Variants in MTA3 observed in about 807,000 individuals in gnomAD.
The protein encoded by MTA3 is metastasis associated 1 family member 3, also known as metastasis-associated protein MTA3.
MTA3 carries 34 observed loss-of-function variants against 83.5 expected under a neutral mutation model. The observed-to-expected ratio is 0.41, with a 90% CI of 0.31 to 0.54. MTA3 has a LOEUF of 0.54. Among genes scored for constraint, MTA3 ranks in the 20% least tolerant of loss-of-function variants. The probability of loss-of-function intolerance (pLI) is 0.33; values close to 1 mark genes in which losing one functional copy is unlikely to be tolerated. For synonymous variants in MTA3, 303 were observed against 252.7 expected, an observed-to-expected ratio of 1.20 and a Z score of -1.89; for missense variants, 761 against 726.4, an observed-to-expected ratio of 1.05 and a Z score of -0.55.
At chr2:42,551,656 G>T (rs75056079) in intron 2 of MTA3, among the ~76,000 whole-genome samples, 2,984 of 152,196 alleles carry the variant, frequency 0.02, 86 homozygotes, top group African/African-American at 0.068. Context: ...AATAAAGCGG[G>T]AGAGAGTGAC....
intron 2 of MTA3, among the ~76,000 whole-genome samples, chr2:42,530,896 C>A (rs1034766185): frequency 1.2e-4 from 19 of 152,280 alleles, no homozygotes; most frequent in African/African-American, 4.3e-4. Context: ...ATGGCGCAAT[C>A]TCAGCTCACT....
intron 6 of MTA3, among the ~76,000 whole-genome samples, chr2:42,648,401 C>A (rs1418572391): frequency 6.6e-6 from 1 of 152,174 alleles, no homozygotes; most frequent in Non-Finnish European, 1.5e-5. Context: ...TGGCCAGATT[C>A]TAATTTGCAT....
upstream of MTA3, chr2:42,568,160 A>G (rs1429597082): frequency 6.6e-6 from 1 of 152,314 alleles, no homozygotes; most frequent in Non-Finnish European, 1.5e-5. Flanking sequence ...ATTTGCATCC[A>G]AGAGTTTGCA....
chr2:42,531,517 A>G (rs559020557), intron 2 of MTA3, among the ~76,000 whole-genome samples: 1 of 134,758 alleles, frequency 7.4e-6, no homozygotes, highest in Non-Finnish European at 1.5e-5. Flanking sequence ...CAGTGGCCCA[A>G]TCTTGGCTCA....
intron 5 of MTA3, among the ~76,000 whole-genome samples, chr2:42,641,599 G>A (rs1687696167): frequency 6.6e-6 from 1 of 152,048 alleles, no homozygotes; most frequent in African/African-American, 2.4e-5. Context: ...TGTGATCCCA[G>A]CGCTTTGGGA....
chr2:42,611,853 A>G (rs1453979739), intron 4 of MTA3, among the ~76,000 whole-genome samples: 1 of 152,098 alleles, frequency 6.6e-6, no homozygotes, highest in Non-Finnish European at 1.5e-5. Flanking sequence ...AAATAGATAG[A>G]TAGAGAGATA....
rs965549389 is a variant in MTA3, at chr2:42,756,427, C to T, written c.*3028C>T. The T allele has an allele frequency of 5.1e-6, 5 of 982,018 alleles. No homozygotes were observed. The Admixed American group carries it at 2.5e-4, about 48-fold the overall frequency. 60.8% of individuals were successfully genotyped at this position (982,018 alleles called of 1,614,324 possible). On this transcript the variant is annotated 3_prime_UTR_variant, in exon 17 of 17. Transcript: ENST00000405094. The stretch of plus-strand genomic sequence containing the variant: ...GGACAGGCGACCCACCGGGTCAGTC[C>T]CCTGCCACTCAGAGCAGAGCAGGGG...
At chr2:42,719,217 T>G in intron 15 of MTA3, 143 bp downstream of exon 15, 1 of 598,576 alleles carries the variant, frequency 1.7e-6, no homozygotes, top group Non-Finnish European at 3.0e-6. Context: ...TCAGTTTATT[T>G]TGTTTCAGAA....
At chr2:42,712,651 C>T (rs1315651622) in intron 14 of MTA3, 1 of 152,100 alleles carries the variant, frequency 6.6e-6, no homozygotes, top group African/African-American at 2.4e-5. Flanking sequence ...GATTGGTAGA[C>T]CAAAATTCTT....
At chr2:42,624,979 A>G (rs1029837898) in intron 4 of MTA3, among the ~76,000 whole-genome samples, 4 of 152,172 alleles carry the variant, frequency 2.6e-5, no homozygotes, top group Admixed American at 1.3e-4. Context: ...TGATGCATCA[A>G]TGGTAAGGAT....
chr2:42,571,271 C>T (rs964899480), intron 2 of MTA3, among the ~76,000 whole-genome samples: 2 of 150,210 alleles, frequency 1.3e-5, no homozygotes, highest in African/African-American at 4.9e-5. Context: ...TGGTGGCATG[C>T]ACCTGTAATC....
intron 8 of MTA3, among the ~76,000 whole-genome samples, chr2:42,679,238 A>G (rs937962483): frequency 6.6e-6 from 1 of 152,236 alleles, no homozygotes; most frequent in Admixed American, 6.5e-5. Flanking sequence ...CTTAGAAAGT[A>G]TAATTTTCCA....
chr2:42,545,964 A>C (rs1187974435), intron 2 of MTA3, among the ~76,000 whole-genome samples: 1 of 152,184 alleles, frequency 6.6e-6, no homozygotes, highest in East Asian at 1.9e-4. Flanking sequence ...GAAAGATTTC[A>C]AGAAATGAAA....
chr2:42,512,783 T>A (rs1674963388), intron 2 of MTA3, among the ~76,000 whole-genome samples: 1 of 152,184 alleles, frequency 6.6e-6, no homozygotes, highest in South Asian at 2.1e-4. Context: ...CAACAGATAC[T>A]TATGGAAAGG....
chr2:42,528,719 T>G (rs1675829747), intron 2 of MTA3, among the ~76,000 whole-genome samples: 1 of 152,190 alleles, frequency 6.6e-6, no homozygotes, highest in Non-Finnish European at 1.5e-5. Flanking sequence ...CCACTTTCAG[T>G]TTTGTTTGTT....
chr2:42,585,073 A>G lies in MTA3; in HGVS notation c.190+5873A>G, dbSNP rs1445707815. Among the ~76,000 whole-genome samples the G allele has an allele frequency of 5.3e-5, 8 of 151,508 alleles. No homozygotes were observed. In the East Asian group the frequency reaches 5.8e-4, roughly 11 times the overall value. ...CAGCCTCCCAAGTAACTTTGATTAC[A>G]TAATAATCAAATAATAATAATAATA... is the stretch of plus-strand genomic sequence containing the variant. On this transcript the variant is annotated intron_variant, in intron 3 of 16. Coordinates refer to ENST00000405094, the MANE Select transcript of MTA3 (RefSeq NM_001330442.2).
chr2:42,689,339 T>A (rs1396661193), intron 9 of MTA3, among the ~76,000 whole-genome samples: 1 of 152,228 alleles, frequency 6.6e-6, no homozygotes, highest in Admixed American at 6.5e-5. Context: ...TTGTTTTGAA[T>A]CTATGTTAAT....
intron 2 of MTA3, among the ~76,000 whole-genome samples, chr2:42,576,025 A>G (rs1277641186): frequency 6.6e-6 from 1 of 152,116 alleles, no homozygotes; most frequent in Non-Finnish European, 1.5e-5. Context: ...TAGGGTCTTT[A>G]TTTCTGAAGG....
intron 12 of MTA3, among the ~76,000 whole-genome samples, chr2:42,707,574 T>C (rs1295445795): frequency 1.3e-5 from 2 of 152,122 alleles, no homozygotes; most frequent in African/African-American, 4.8e-5. Flanking sequence ...TACCATCTTT[T>C]TGAGAACCTA....
Sources: gnomAD v4.1 joint callset for allele counts (sites outside exome capture counted in the v4.1 genomes callset) on GRCh38, gnomAD v4.1.1 for gene constraint, MANE v1.5 for transcripts, NCBI Gene and HGNC (gene_info 2026-07-23, HGNC 2026-07-21) for gene names.